The following EPHA6 variants were observed in gnomAD, a reference collection of about 807,000 sequenced individuals.
EPHA6 encodes the protein ephrin type-A receptor 6.
EPHA6 carries 50 observed loss-of-function variants against 112.0 expected under a neutral mutation model. The observed-to-expected ratio is 0.45, with a 90% CI of 0.36 to 0.56. The LOEUF (loss-of-function observed/expected upper bound fraction) is 0.56, where lower values mean the gene tolerates loss of function less well. Among genes scored for constraint, EPHA6 ranks in the 20% least tolerant of loss-of-function variants. EPHA6 has a pLI of 0.00. For missense variants in EPHA6, 1,280 were observed against 1,417.4 expected, an observed-to-expected ratio of 0.90 and a Z score of 1.56; for synonymous variants, 529 against 490.7, an observed-to-expected ratio of 1.08 and a Z score of -1.03.
In EPHA6 at chr3:97,255,216, C is replaced by G. The variant is rs115009623; in HGVS notation, c.1606+10929C>G. On this transcript the variant is annotated intron_variant, in intron 5 of 17. Transcript: ENST00000389672. ...CCTGAAAGCCTCTCAGTTATTCTCT[C>G]AAATGAGTGCTATGAAAACGTTAGG... is the stretch of plus-strand genomic sequence containing the variant. Among the ~76,000 whole-genome samples the G allele has an allele frequency of 2.8e-3, 424 of 151,726 alleles. 3 individuals carry two copies. The highest frequency in any genetic ancestry group is 9.8e-3 in the African/African-American group (406 of 41,376).
intron 2 of EPHA6, among the ~76,000 whole-genome samples, chr3:96,969,953 T>A (rs754621838): frequency 6.6e-6 from 1 of 152,204 alleles, no homozygotes; most frequent in Non-Finnish European, 1.5e-5. Flanking sequence ...TTATTTCATA[T>A]GTGATGTTTA....
In EPHA6 at chr3:97,559,459, T is replaced by C. The variant is rs1577777012; in HGVS notation, c.2386+26916T>C. The C allele has an allele frequency of 9.3e-6, 3 of 321,952 alleles. No homozygotes were observed. In the East Asian group the frequency reaches 2.6e-4, roughly 28 times the overall value. 19.9% of individuals were successfully genotyped at this position (321,952 alleles called of 1,614,324 possible). On this transcript the variant is annotated intron_variant, in intron 11 of 17. Coordinates refer to ENST00000389672, the MANE Select transcript of EPHA6 (RefSeq NM_001080448.3). ...GAAAAACAGTTGGGAGCCACTCTTC[T>C]AGAAACAAAGAAATTCTGAATCAGC...
intron 16 of EPHA6, among the ~76,000 whole-genome samples, chr3:97,740,882 AC>A (rs1423556249): frequency 2.0e-5 from 3 of 151,992 alleles, no homozygotes; most frequent in African/African-American, 7.2e-5. Flanking sequence ...GTCATAGACA[AC>A]TTTTTTTTTT....
At position 97,566,014 on chromosome 3, in the gene EPHA6, G is replaced by A. The variant is rs544192379; in HGVS notation, c.2387-26598G>A. Among the ~76,000 whole-genome samples the A allele has an allele frequency of 6.3e-4, 79 of 125,982 alleles. 1 individual carries two copies. In the East Asian group the frequency reaches 8.6e-3, roughly 14 times the overall value. The allele number at this position is 125,982 out of a possible 152,430, so 82.6% of individuals were successfully genotyped here. A position where few individuals can be genotyped will look rare whatever the true frequency, so the allele number is the denominator to read the frequency against. On this transcript the variant is annotated intron_variant, in intron 11 of 17. Coordinates refer to ENST00000389672, the MANE Select transcript of EPHA6 (RefSeq NM_001080448.3). ...CAGGCCGGCAACAGAGCGAGACACCGTCTCAAAAAAAAAAAAAAAAAGGAA... is the reference window on the plus strand; with the variant it reads ...CAGGCCGGCAACAGAGCGAGACACCATCTCAAAAAAAAAAAAAAAAAGGAA...
At chr3:97,553,103 A>G (rs1247799122) in intron 11 of EPHA6, among the ~76,000 whole-genome samples, 1 of 152,090 alleles carries the variant, frequency 6.6e-6, no homozygotes, top group Non-Finnish European at 1.5e-5. Context: ...ATTAATCTTT[A>G]TACAAAAAGT....
At chr3:97,628,284 T>C (rs2093875299) in intron 13 of EPHA6, among the ~76,000 whole-genome samples, 2 of 151,888 alleles carry the variant, frequency 1.3e-5, no homozygotes, top group African/African-American at 4.8e-5. Context: ...TTGGATAAAG[T>C]GCATAAAAGA....
intron 5 of EPHA6, among the ~76,000 whole-genome samples, chr3:97,255,601 A>G (rs1344856452): frequency 2.0e-5 from 3 of 152,230 alleles, no homozygotes; most frequent in Non-Finnish European, 1.5e-5. Flanking sequence ...AGCTTCTTTT[A>G]TATGACTAAG....
At chr3:97,449,934 C>G (rs954616363) in intron 7 of EPHA6, among the ~76,000 whole-genome samples, 1 of 152,026 alleles carries the variant, frequency 6.6e-6, no homozygotes, top group Non-Finnish European at 1.5e-5. Context: ...GAACAGTATT[C>G]ACATGTAAGA....
At chr3:97,722,693 A>G (rs1250203726) in intron 15 of EPHA6, among the ~76,000 whole-genome samples, 1 of 152,168 alleles carries the variant, frequency 6.6e-6, no homozygotes, top group Admixed American at 6.5e-5. Context: ...GGGGGAAAAA[A>G]GCAAGAGAAG....
In EPHA6 at chr3:97,001,161, C is replaced by T. The variant is rs190780182; in HGVS notation, c.1114+13168C>T. Reference sequence around the variant, plus strand: ...TCTTTATATAGAAATAAATAGTATTCAACTATTTTGAAGAAAATGTGATTA... The same window carrying T: ...TCTTTATATAGAAATAAATAGTATTTAACTATTTTGAAGAAAATGTGATTA... On this transcript the variant is annotated intron_variant, in intron 3 of 17. Transcript: ENST00000389672. 5.7e-3 allele frequency among the ~76,000 whole-genome samples: 856 copies of T among 151,270 alleles called. 5 individuals carry two copies. The highest frequency in any genetic ancestry group is 9.4e-3 in the Admixed American group (142 of 15,148).
At chr3:97,401,667 T>A (rs1000806514) in intron 5 of EPHA6, among the ~76,000 whole-genome samples, 1 of 151,820 alleles carries the variant, frequency 6.6e-6, no homozygotes, top group African/African-American at 2.4e-5. Flanking sequence ...ATTTTGTTTA[T>A]TTCTGTTCTG....
intron 3 of EPHA6, among the ~76,000 whole-genome samples, chr3:97,217,081 T>C (rs909326648): frequency 5.9e-5 from 9 of 152,160 alleles, no homozygotes; most frequent in African/African-American, 2.2e-4. Context: ...ACTTACTATT[T>C]AGGGTAAATT....
intron 13 of EPHA6, among the ~76,000 whole-genome samples, chr3:97,625,352 G>A (rs778964498): frequency 1.8e-4 from 27 of 151,528 alleles, no homozygotes; most frequent in Admixed American, 7.3e-4. Flanking sequence ...GGATTTTTCC[G>A]TTTTTCTTCT....
At chr3:97,671,018 T>C (rs905263383) in intron 14 of EPHA6, among the ~76,000 whole-genome samples, 1 of 152,150 alleles carries the variant, frequency 6.6e-6, no homozygotes, top group African/African-American at 2.4e-5. Flanking sequence ...CTAGATTAGC[T>C]TCTGTCAGGA....
At chr3:97,031,085 T>C (rs2044817607) in intron 3 of EPHA6, among the ~76,000 whole-genome samples, 1 of 152,158 alleles carries the variant, frequency 6.6e-6, no homozygotes, top group South Asian at 2.1e-4. Flanking sequence ...CCAGTACCGG[T>C]ACCAAAACAG....
At chr3:97,101,262 T>G (rs1319774525) in intron 3 of EPHA6, among the ~76,000 whole-genome samples, 1 of 152,050 alleles carries the variant, frequency 6.6e-6, no homozygotes, top group Non-Finnish European at 1.5e-5. Flanking sequence ...ATATCTATTC[T>G]AACCACTTCA....
At chr3:97,301,959 G>A (rs544582687) in intron 5 of EPHA6, among the ~76,000 whole-genome samples, 35 of 152,082 alleles carry the variant, frequency 2.3e-4, no homozygotes, top group African/African-American at 8.2e-4. Flanking sequence ...TATAATAAAG[G>A]CTTGTGGTAG....
chr3:97,046,601 TATCTGTGTAGAAAATCCAAG>T (rs2045516376), intron 3 of EPHA6, among the ~76,000 whole-genome samples: 1 of 152,160 alleles, frequency 6.6e-6, no homozygotes, highest in South Asian at 2.1e-4. Context: ...GAGATATTAT[TATCTGTGTAGAAAATCCAAG>T]ATAAAGAATA....
chr3:97,718,709 T>C (rs184175356), intron 14 of EPHA6, among the ~76,000 whole-genome samples: 1 of 152,286 alleles, frequency 6.6e-6, no homozygotes, highest in Admixed American at 6.5e-5. Flanking sequence ...TTCCCTAGTC[T>C]TAATTTGGTG....
Sources: allele counts gnomAD v4.1 joint callset (sites outside exome capture counted in the v4.1 genomes callset), GRCh38; gene constraint gnomAD v4.1.1; transcripts MANE v1.5; gene names NCBI Gene and HGNC (gene_info 2026-07-23, HGNC 2026-07-21).